GREM2: variants seen among roughly 807,000 people sequenced by gnomAD.
GREM2 encodes the protein gremlin 2, DAN family BMP antagonist, also known as gremlin-2.
Under a neutral mutation model 14.2 loss-of-function variants are expected in GREM2, and 11 were observed. That is an observed-to-expected ratio of 0.78 (90% confidence interval 0.49 to 1.28). The LOEUF is 1.28. Ranked by LOEUF, GREM2 falls within the 50% of genes most tolerant of loss-of-function variation. GREM2 has a pLI of 0.00. For synonymous variants in GREM2, 98 were observed against 97.6 expected, an observed-to-expected ratio of 1.00 and a Z score of -0.02; for missense variants, 210 against 218.5, an observed-to-expected ratio of 0.96 and a Z score of 0.24.
intron 1 of GREM2, among the ~76,000 whole-genome samples, chr1:240,566,135 G>A (rs1679174735): frequency 6.6e-6 from 1 of 152,052 alleles, no homozygotes; most frequent in Admixed American, 6.6e-5. Context: ...AAAATGCTGA[G>A]ACATATAAAT....
chr1:240,562,194 T>G (rs1350099483), intron 1 of GREM2, among the ~76,000 whole-genome samples: 1 of 152,204 alleles, frequency 6.6e-6, no homozygotes, highest in Non-Finnish European at 1.5e-5. Flanking sequence ...GGAGGGCAGA[T>G]GATGCAATTG....
chr1:240,537,175 A>T (rs866757504), intron 1 of GREM2, among the ~76,000 whole-genome samples: 1 of 152,228 alleles, frequency 6.6e-6, no homozygotes, highest in African/African-American at 2.4e-5. Flanking sequence ...AAGCTATTTG[A>T]ATATATTTAA....
chr1:240,510,457 C>T (rs1480738681), intron 1 of GREM2, among the ~76,000 whole-genome samples: 4 of 146,764 alleles, frequency 2.7e-5, no homozygotes, highest in Non-Finnish European at 5.9e-5. Context: ...TGCTGGTTGC[C>T]AGGGGCTGGG....
intron 1 of GREM2, among the ~76,000 whole-genome samples, chr1:240,590,986 T>A (rs555290202): frequency 6.6e-6 from 1 of 151,464 alleles, no homozygotes; most frequent in South Asian, 2.1e-4. Context: ...TTCACCAGGT[T>A]GGCCAGGCTG....
intron 1 of GREM2, among the ~76,000 whole-genome samples, chr1:240,574,912 T>C (rs1337799500): frequency 2.0e-5 from 3 of 152,010 alleles, no homozygotes; most frequent in Non-Finnish European, 4.4e-5. Flanking sequence ...ATCTAGACCA[T>C]CCTACCCAAC....
chr1:240,595,079 A>G (rs1191654329), intron 1 of GREM2, among the ~76,000 whole-genome samples: 1 of 152,220 alleles, frequency 6.6e-6, no homozygotes, highest in Non-Finnish European at 1.5e-5. Context: ...CCACTGAGTT[A>G]GCCCATATAA....
chr1:240,531,543 A>G, intron 1 of GREM2: 1 of 665,210 alleles, frequency 1.5e-6, no homozygotes, highest in Non-Finnish European at 1.9e-6. Flanking sequence ...TTTTCATTGG[A>G]AAAGAAAAGC....
intron 1 of GREM2, among the ~76,000 whole-genome samples, chr1:240,555,856 A>G (rs958124497): frequency 1.3e-5 from 2 of 152,254 alleles, no homozygotes; most frequent in Non-Finnish European, 1.5e-5. Flanking sequence ...CAGTCAATTC[A>G]TAATTCCCAC....
intron 1 of GREM2, among the ~76,000 whole-genome samples, chr1:240,498,240 C>T (rs776017183): frequency 3.9e-5 from 6 of 152,176 alleles, no homozygotes; most frequent in Non-Finnish European, 7.3e-5. Context: ...TTAGGTCTCA[C>T]GGGAAGCTAA....
At chr1:240,517,050 A>C (rs887599925) in intron 1 of GREM2, among the ~76,000 whole-genome samples, 1 of 152,240 alleles carries the variant, frequency 6.6e-6, no homozygotes, top group Non-Finnish European at 1.5e-5. Flanking sequence ...CAACCTGCTC[A>C]TAATGTTATA....
intron 1 of GREM2, among the ~76,000 whole-genome samples, chr1:240,561,009 A>G (rs570467729): frequency 6.6e-6 from 1 of 152,140 alleles, no homozygotes; most frequent in Non-Finnish European, 1.5e-5. Flanking sequence ...CTGGCCAACT[A>G]TTTAAGAAAG....
chr1:240,521,566 GTC>G (rs1054855063), intron 1 of GREM2, among the ~76,000 whole-genome samples: 3 of 151,818 alleles, frequency 2.0e-5, no homozygotes, highest in Non-Finnish European at 4.4e-5. Context: ...GTGAGACTCC[GTC>G]TCAAAAAAAA....
rs114612144 is a variant in GREM2, at chr1:240,522,718, A to G, written c.-1-29242T>C. Among the ~76,000 whole-genome samples, 445 of 152,336 alleles carry G rather than the reference A, an allele frequency of 2.9e-3. 1 individual carries two copies. The highest frequency in any genetic ancestry group is 5.1e-3 in the Non-Finnish European group (344 of 68,036). ...TAAAGCCTGTTTGGTGAGATACAAT[A>G]CATTGCAACTTCGTGCTCCTGTGTC... On this transcript the variant is annotated intron_variant, in intron 1 of 1. Transcript: ENST00000318160.
intron 1 of GREM2, among the ~76,000 whole-genome samples, chr1:240,563,785 C>T (rs909053285): frequency 2.6e-5 from 4 of 152,150 alleles, no homozygotes; most frequent in Non-Finnish European, 5.9e-5. Flanking sequence ...TTCCTTTAAC[C>T]TTCCTTTTTA....
At chr1:240,580,453 G>A (rs546706206) in intron 1 of GREM2, among the ~76,000 whole-genome samples, 31 of 152,272 alleles carry the variant, frequency 2.0e-4, no homozygotes, top group African/African-American at 6.3e-4. Context: ...CAAGATATAT[G>A]TTCTTGTTTA....
intron 1 of GREM2, among the ~76,000 whole-genome samples, chr1:240,581,589 CAAT>C (rs1679486121): frequency 6.6e-6 from 1 of 152,076 alleles, no homozygotes; most frequent in Non-Finnish European, 1.5e-5. Flanking sequence ...TTATACAAAT[CAAT>C]AAATAATTTC....
chr1:240,593,602 A>T (rs540310414), intron 1 of GREM2, among the ~76,000 whole-genome samples: 3 of 152,322 alleles, frequency 2.0e-5, no homozygotes, highest in African/African-American at 4.8e-5. Context: ...TCTCAATAAA[A>T]GTTGGTTAGT....
intron 1 of GREM2, among the ~76,000 whole-genome samples, chr1:240,547,272 G>A (rs1429872274): frequency 3.9e-5 from 6 of 151,960 alleles, no homozygotes; most frequent in Admixed American, 3.9e-4. Flanking sequence ...AGGCCGAGGT[G>A]GGCGGATCAC....
chr1:240,528,525 T>C (rs1385129500), intron 1 of GREM2, among the ~76,000 whole-genome samples: 1 of 152,138 alleles, frequency 6.6e-6, no homozygotes, highest in East Asian at 1.9e-4. Flanking sequence ...AAAATGTATA[T>C]GTATTTTAGG....
Sources: allele counts gnomAD v4.1 joint callset (sites outside exome capture counted in the v4.1 genomes callset), GRCh38; gene constraint gnomAD v4.1.1; transcripts MANE v1.5; gene names NCBI Gene and HGNC (gene_info 2026-07-23, HGNC 2026-07-21).